MCUB: variants seen among roughly 807,000 people sequenced by gnomAD.
MCUB encodes the protein mitochondrial calcium uniporter dominant negative subunit beta, also known as calcium uniporter regulatory subunit MCUb, mitochondrial.
A neutral mutation model predicts 41.4 loss-of-function variants in MCUB; 46 were observed. The ratio of observed to expected loss-of-function variants is 1.11; its 90% CI spans 0.88 to 1.42. MCUB has a LOEUF of 1.42. MCUB is among the 40% of genes most tolerant of loss of function. MCUB has a pLI of 0.00. For missense variants in MCUB, 403 were observed against 404.9 expected (o/e 1.00, Z 0.04); for synonymous variants, 148 against 148.2 (o/e 1.00, Z 0.01).
intron 1 of MCUB, among the ~76,000 whole-genome samples, chr4:109,573,309 C>T (rs147546397): frequency 0.017 from 2,567 of 152,118 alleles, 54 homozygotes; most frequent in African/African-American, 0.058. Context: ...AAAAATTAGC[C>T]ACGCGTGGTG....
At chr4:109,612,810 A>G (rs1728040958) in intron 1 of MCUB, among the ~76,000 whole-genome samples, 1 of 152,196 alleles carries the variant, frequency 6.6e-6, no homozygotes, top group Non-Finnish European at 1.5e-5. Context: ...AATCCTAATA[A>G]GAATACAGGA....
At chr4:109,600,485 A>G (rs937924388) in intron 1 of MCUB, among the ~76,000 whole-genome samples, 3 of 152,208 alleles carry the variant, frequency 2.0e-5, no homozygotes, top group African/African-American at 7.2e-5. Flanking sequence ...TATTACAGTA[A>G]AATGGTAGAC....
At chr4:109,590,570 A>G (rs183817951) in intron 1 of MCUB, among the ~76,000 whole-genome samples, 4 of 152,366 alleles carry the variant, frequency 2.6e-5, no homozygotes, top group Admixed American at 6.5e-5. Flanking sequence ...ATAAATTGCT[A>G]TGAAAAACAG....
chr4:109,649,016 T>C (rs1268626030), intron 1 of MCUB, among the ~76,000 whole-genome samples: 1 of 152,210 alleles, frequency 6.6e-6, no homozygotes, highest in Non-Finnish European at 1.5e-5. Flanking sequence ...TTTACCAATT[T>C]GCTTGTTCAG....
intron 1 of MCUB, among the ~76,000 whole-genome samples, chr4:109,598,840 A>G (rs964006477): frequency 2.0e-5 from 3 of 152,210 alleles, no homozygotes; most frequent in Non-Finnish European, 4.4e-5. Context: ...TTTTCTCTAA[A>G]TTGGTAACAA....
intron 4 of MCUB, among the ~76,000 whole-genome samples, chr4:109,677,828 TTAG>T (rs1729606808): frequency 1.4e-5 from 2 of 144,510 alleles, no homozygotes; most frequent in African/African-American, 5.4e-5. Context: ...TTTTTTTTTT[TTAG>T]TTTTTATTGA....
At chr4:109,629,770 C>T (rs1026098005) in intron 1 of MCUB, among the ~76,000 whole-genome samples, 5 of 152,230 alleles carry the variant, frequency 3.3e-5, no homozygotes, top group Non-Finnish European at 2.9e-5. Flanking sequence ...GCCATTCCCC[C>T]GGAGCATTTA....
intron 1 of MCUB, among the ~76,000 whole-genome samples, chr4:109,562,623 T>C (rs1449291686): frequency 1.3e-5 from 2 of 152,192 alleles, no homozygotes; most frequent in Non-Finnish European, 2.9e-5. Flanking sequence ...CCCAGAAACA[T>C]TCAGACCCCT....
chr4:109,615,498 C>T (rs556679460), intron 1 of MCUB, among the ~76,000 whole-genome samples: 26 of 151,694 alleles, frequency 1.7e-4, no homozygotes, highest in African/African-American at 6.1e-4. Flanking sequence ...CTCCGTCTGC[C>T]GGGTTTTACG....
intron 1 of MCUB, among the ~76,000 whole-genome samples, chr4:109,620,093 A>G (rs958183182): frequency 6.6e-6 from 1 of 152,162 alleles, no homozygotes; most frequent in African/African-American, 2.4e-5. Flanking sequence ...CCCTAAGGAC[A>G]GTGTTGGAGG....
intron 1 of MCUB, among the ~76,000 whole-genome samples, chr4:109,645,929 A>G (rs1465061526): frequency 6.6e-6 from 1 of 151,908 alleles, no homozygotes; most frequent in Non-Finnish European, 1.5e-5. Context: ...CTCTCTCACT[A>G]CCTCTCACGC....
At chr4:109,570,522 G>A (rs2126124367) in intron 1 of MCUB, among the ~76,000 whole-genome samples, 1 of 152,276 alleles carries the variant, frequency 6.6e-6, no homozygotes, top group African/African-American at 2.4e-5. Context: ...ACTCAACTTT[G>A]CCATTGTAGT....
At chr4:109,583,810 A>G (rs1008467317) in intron 1 of MCUB, among the ~76,000 whole-genome samples, 3 of 152,140 alleles carry the variant, frequency 2.0e-5, no homozygotes, top group East Asian at 1.9e-4. Flanking sequence ...TTCTGCATCT[A>G]TTGAGATAAT....
Position 109,566,834 on chromosome 4 carries a change from T to TA in MCUB, c.99+6399dup, listed in dbSNP as rs565319136. Among the ~76,000 whole-genome samples the TA allele has an allele frequency of 1.3e-3, 201 of 152,294 alleles. 2 individuals carry two copies. Among genetic ancestry groups the TA allele is most frequent in the African/African-American group, 4.7e-3 (195 of 41,554 alleles). On this transcript the variant is annotated intron_variant, in intron 1 of 7. Coordinates refer to ENST00000394650, the MANE Select transcript of MCUB (RefSeq NM_017918.5). ...ATTGCTAGCTTAACACCAACCAAAT[T>TA]AGTTGCTCATTTCTATTCATGACCC...
rs776185111 is a variant in MCUB, at chr4:109,576,722, G to A, written c.99+16286G>A. On this transcript the variant is annotated intron_variant, in intron 1 of 7. Transcript: ENST00000394650. ...TTATACACAAAGGATGATTCACAGAGATGTGGGCGCAGGGGAACCACTAGG... is the reference window on the plus strand; with the variant it reads ...TTATACACAAAGGATGATTCACAGAAATGTGGGCGCAGGGGAACCACTAGG... 6.2e-4 allele frequency among the ~76,000 whole-genome samples: 95 copies of A among 152,336 alleles called. 1 individual carries two copies. The highest frequency in any genetic ancestry group is 3.4e-3 in the Middle Eastern group (1 of 294).
intron 1 of MCUB, among the ~76,000 whole-genome samples, chr4:109,581,521 A>C (rs1268203608): frequency 6.6e-6 from 1 of 150,468 alleles, no homozygotes; most frequent in East Asian, 2.0e-4. Flanking sequence ...CAAAAGCCAA[A>C]ATTGACAAAT....
At chr4:109,686,012 A>G (rs1729829021) in intron 7 of MCUB, among the ~76,000 whole-genome samples, 1 of 152,198 alleles carries the variant, frequency 6.6e-6, no homozygotes, top group East Asian at 1.9e-4. Context: ...AATATCCTCC[A>G]TTGCTCAATG....
chr4:109,668,732 T>G (rs1399876502), intron 4 of MCUB, among the ~76,000 whole-genome samples: 2 of 152,044 alleles, frequency 1.3e-5, no homozygotes, highest in African/African-American at 4.8e-5. Context: ...TTCCACATTT[T>G]TTCTGCCTTT....
In MCUB at chr4:109,576,096, C is replaced by G. The variant is rs1466632418; in HGVS notation, c.99+15660C>G. ...ATTTTCTACCATGTGGACCAAGAAG[C>G]AGTAACAATTCATTTTATAGTGATA... On this transcript the variant is annotated intron_variant, in intron 1 of 7. Transcript: ENST00000394650. 2.6e-5 allele frequency among the ~76,000 whole-genome samples: 4 copies of G among 152,268 alleles called. No individual in the cohort carries two copies. In the East Asian group the frequency reaches 7.7e-4, roughly 29 times the overall value.
Sources: gnomAD v4.1 joint callset for allele counts (sites outside exome capture counted in the v4.1 genomes callset) on GRCh38, gnomAD v4.1.1 for gene constraint, MANE v1.5 for transcripts, NCBI Gene and HGNC (gene_info 2026-07-23, HGNC 2026-07-21) for gene names.